SLMAP: variants seen among roughly 807,000 people sequenced by gnomAD.
SLMAP encodes sarcolemmal membrane-associated protein.
In SLMAP, 44 loss-of-function variants were observed where a neutral mutation model predicts 128.8. The observed-to-expected ratio is 0.34, with a 90% CI of 0.27 to 0.44. The LOEUF is 0.44. SLMAP is among the 20% of genes least tolerant of loss of function. The probability of loss-of-function intolerance (pLI) is 1.00; values close to 1 mark genes in which losing one functional copy is unlikely to be tolerated. For missense variants in SLMAP, 787 were observed against 985.3 expected, an observed-to-expected ratio of 0.80 and a Z score of 2.69; for synonymous variants, 327 against 348.8, an observed-to-expected ratio of 0.94 and a Z score of 0.70.
intron 2 of SLMAP, among the ~76,000 whole-genome samples, chr3:57,804,294 G>A (rs780148727): frequency 5.3e-5 from 8 of 151,896 alleles, no homozygotes; most frequent in Non-Finnish European, 1.0e-4. Flanking sequence ...AATGCTTTTC[G>A]TTGTTACATA....
chr3:57,882,811 C>T (rs2095782960), intron 14 of SLMAP, among the ~76,000 whole-genome samples: 2 of 152,094 alleles, frequency 1.3e-5, no homozygotes, highest in African/African-American at 4.8e-5. Flanking sequence ...TTACAATCTT[C>T]TGATATGTGT....
At chr3:57,899,163 A>G (rs1038482454) in intron 17 of SLMAP, 10 of 152,212 alleles carry the variant, frequency 6.6e-5, no homozygotes, top group African/African-American at 1.7e-4. Context: ...TAATGCATTT[A>G]TTTGTTTGTT....
intron 19 of SLMAP, among the ~76,000 whole-genome samples, chr3:57,911,216 C>T (rs192521178): frequency 5.8e-4 from 89 of 152,220 alleles, no homozygotes; most frequent in Admixed American, 1.7e-3. Context: ...GTGTATTTCA[C>T]GACTGTATCA....
chr3:57,759,773 A>G (rs1033850642), intron 2 of SLMAP, among the ~76,000 whole-genome samples: 4 of 152,346 alleles, frequency 2.6e-5, no homozygotes, highest in Admixed American at 2.0e-4. Context: ...ACTTTCTTTG[A>G]TGAAACACTC....
At chr3:57,792,396 G>C (rs1230615785) in intron 2 of SLMAP, among the ~76,000 whole-genome samples, 1 of 151,490 alleles carries the variant, frequency 6.6e-6, no homozygotes, top group African/African-American at 2.4e-5. Context: ...TAATTAATGT[G>C]CTGTCACATT....
intron 24 of SLMAP, 130 bp from the exon 25 acceptor site, chr3:57,927,160 CTTTATA>C (rs1290917701): frequency 2.2e-5 from 10 of 445,644 alleles, no homozygotes; most frequent in Non-Finnish European, 4.0e-5. Flanking sequence ...TCTTTTCAAA[CTTTATA>C]TTTATGATGC....
At position 57,925,336 on chromosome 3, in the gene SLMAP, T is replaced by C. The variant is rs34717855; in HGVS notation, c.2446-509T>C. On this transcript the variant is annotated intron_variant, in intron 23 of 24. Transcript: ENST00000671191. ...ATTGCCTTCAGCTGTTTCTTTCTCT[T>C]TTTTTTTTTTTTTCAACGGAGTCTC... Among the ~76,000 whole-genome samples, 628 of 69,968 alleles carry C rather than the reference T, an allele frequency of 9.0e-3. 5 individuals are homozygous for C. The highest frequency in any genetic ancestry group is 0.045 in the South Asian group (88 of 1,944). The allele number at this position is 69,968 out of a possible 152,430, so 45.9% of individuals were successfully genotyped here.
chr3:57,815,813 C>G (rs138994203), intron 2 of SLMAP, among the ~76,000 whole-genome samples: 2 of 152,054 alleles, frequency 1.3e-5, no homozygotes, highest in Admixed American at 1.3e-4. Context: ...GTCAAAGAAC[C>G]TTATTTTTAA....
intron 2 of SLMAP, among the ~76,000 whole-genome samples, chr3:57,764,695 G>GT (rs2079330497): frequency 2.0e-5 from 3 of 152,230 alleles, no homozygotes; most frequent in South Asian, 2.1e-4. Flanking sequence ...TGAGGTGCTT[G>GT]TTTTTTCTGC....
chr3:57,880,707 G>A (rs1290911408), intron 14 of SLMAP, among the ~76,000 whole-genome samples: 1 of 151,592 alleles, frequency 6.6e-6, no homozygotes, highest in African/African-American at 2.4e-5. Context: ...GTGAGACCAT[G>A]TCTCTACAAA....
chr3:57,814,352 G>C (rs1375311837), intron 2 of SLMAP, among the ~76,000 whole-genome samples: 1 of 151,798 alleles, frequency 6.6e-6, no homozygotes, highest in African/African-American at 2.4e-5. Flanking sequence ...TGTTGCCCAG[G>C]CTGGTCTTAA....
At chr3:57,922,831 C>T (rs2096941541) in intron 22 of SLMAP, 58 bp from the exon 23 acceptor site, 2 of 1,527,914 alleles carry the variant, frequency 1.3e-6, no homozygotes, top group Non-Finnish European at 9.0e-7. Context: ...TGATTAGAAC[C>T]ATAACATCAT....
At chr3:57,761,542 G>T (rs2078639548) in intron 2 of SLMAP, among the ~76,000 whole-genome samples, 1 of 151,172 alleles carries the variant, frequency 6.6e-6, no homozygotes, top group South Asian at 2.1e-4. Context: ...TGATCCACTT[G>T]CCTCGGCCTC....
chr3:57,763,487 C>G (rs2079077829), intron 2 of SLMAP, among the ~76,000 whole-genome samples: 1 of 152,046 alleles, frequency 6.6e-6, no homozygotes, highest in South Asian at 2.1e-4. Flanking sequence ...GTTGCACAAG[C>G]TGGTCTCGAA....
chr3:57,813,095 C>CTTTT (rs200561601), intron 2 of SLMAP, among the ~76,000 whole-genome samples: 5 of 120,850 alleles, frequency 4.1e-5, no homozygotes, highest in East Asian at 4.7e-4. Context: ...CGTTTGGATG[C>CTTTT]TTTTTTTTTT....
intron 2 of SLMAP, among the ~76,000 whole-genome samples, chr3:57,823,012 G>A (rs2092640850): frequency 6.6e-6 from 1 of 152,104 alleles, no homozygotes; most frequent in Admixed American, 6.5e-5. Flanking sequence ...AGCAGTCCTG[G>A]GGAGAGAAGG....
chr3:57,913,736 C>A (rs1377845334), intron 21 of SLMAP, among the ~76,000 whole-genome samples: 1 of 151,970 alleles, frequency 6.6e-6, no homozygotes, highest in African/African-American at 2.4e-5. Context: ...GTGGGAGGAT[C>A]GCTTGAGCCT....
rs529954390 is a variant in SLMAP, at chr3:57,838,558, T to C, written c.347-2741T>C. Reference sequence around the variant, plus strand: ...GATGCCCTCAAAGAGTTGAATCTAATTGGTGAGACAACAGTTTCTGTAAAT... The same window carrying C: ...GATGCCCTCAAAGAGTTGAATCTAACTGGTGAGACAACAGTTTCTGTAAAT... On this transcript the variant is annotated intron_variant, in intron 3 of 24. Coordinates refer to ENST00000671191, the MANE Select transcript of SLMAP (RefSeq NM_001377540.1). 9.0e-4 allele frequency among the ~76,000 whole-genome samples: 137 copies of C among 152,356 alleles called. No individual in the cohort carries two copies. In the Middle Eastern group the frequency reaches 0.01, roughly 11 times the overall value.
intron 2 of SLMAP, among the ~76,000 whole-genome samples, chr3:57,816,821 G>A (rs2091913519): frequency 6.6e-6 from 1 of 152,202 alleles, no homozygotes; most frequent in Admixed American, 6.5e-5. Flanking sequence ...CTGAACTTCA[G>A]AAAGAAAAGG....
Sources: allele counts gnomAD v4.1 joint callset (sites outside exome capture counted in the v4.1 genomes callset), GRCh38; gene constraint gnomAD v4.1.1; transcripts MANE v1.5; gene names NCBI Gene and HGNC (gene_info 2026-07-23, HGNC 2026-07-21).